The following FSTL5 variants were observed in gnomAD, a reference collection of about 807,000 sequenced individuals.
FSTL5 encodes follistatin-related protein 5.
Under a neutral mutation model 89.1 loss-of-function variants are expected in FSTL5, and 62 were observed. The observed-to-expected ratio is 0.70, with a 90% CI of 0.57 to 0.86. The LOEUF is 0.86. FSTL5 is among the 40% of genes least tolerant of loss of function. FSTL5 has a pLI of 0.00. For missense variants in FSTL5, 1,057 were observed against 1,001.6 expected (o/e 1.06, Z -0.75); for synonymous variants, 383 against 346.2 (o/e 1.11, Z -1.18).
intron 15 of FSTL5, among the ~76,000 whole-genome samples, chr4:161,422,937 G>A (rs1450166196): frequency 6.6e-6 from 1 of 152,172 alleles, no homozygotes; most frequent in Non-Finnish European, 1.5e-5. Flanking sequence ...CCTAGTACCT[G>A]TTAAAGCTGT....
At position 161,532,240 on chromosome 4, in the gene FSTL5, A is replaced by C. The variant is rs893672118; in HGVS notation, c.1312+5926T>G. ...AAATTATTTTTAGAAAACAAATGTG[A>C]GTCAGAGGAAGAGCTACTTTATGTC... On this transcript the variant is annotated intron_variant, in intron 10 of 15. Coordinates refer to ENST00000306100, the MANE Select transcript of FSTL5 (RefSeq NM_020116.5). Among the ~76,000 whole-genome samples the C allele has an allele frequency of 2.6e-5, 4 of 152,154 alleles. No individual in the cohort carries two copies. In the East Asian group the frequency reaches 7.7e-4, roughly 29 times the overall value.
intron 4 of FSTL5, among the ~76,000 whole-genome samples, chr4:161,839,563 A>G (rs1281439947): frequency 6.6e-6 from 1 of 152,240 alleles, no homozygotes; most frequent in Non-Finnish European, 1.5e-5. Context: ...ACATATGTGA[A>G]TCTCACAAAC....
At chr4:161,758,423 A>G (rs1178294821) in intron 6 of FSTL5, among the ~76,000 whole-genome samples, 1 of 152,104 alleles carries the variant, frequency 6.6e-6, no homozygotes, top group East Asian at 1.9e-4. Context: ...ACCAACTAAT[A>G]AATTTACTTT....
chr4:162,121,313 T>C (rs997480240), intron 1 of FSTL5, among the ~76,000 whole-genome samples: 1 of 152,014 alleles, frequency 6.6e-6, no homozygotes, highest in Non-Finnish European at 1.5e-5. Flanking sequence ...AAATCTTATA[T>C]ACTAATATCT....
At position 161,976,580 on chromosome 4, in the gene FSTL5, C is replaced by T. The variant is rs139456865; in HGVS notation, c.161-55928G>A. 7.8e-3 allele frequency among the ~76,000 whole-genome samples: 1,183 copies of T among 152,234 alleles called. 16 individuals are homozygous for T. The highest frequency in any genetic ancestry group is 0.027 in the African/African-American group (1,125 of 41,556). On this transcript the variant is annotated intron_variant, in intron 3 of 15. Transcript: ENST00000306100. ...CACTGCAAGCTCCGCCTTCCGTGTT[C>T]ACGCCATTCTCCCGCCTCAGCCTCT...
chr4:161,610,919 T>A (rs2126635038), intron 7 of FSTL5, among the ~76,000 whole-genome samples: 1 of 151,994 alleles, frequency 6.6e-6, no homozygotes, highest in South Asian at 2.1e-4. Flanking sequence ...CTATTATATC[T>A]AATTTTCACA....
intron 6 of FSTL5, among the ~76,000 whole-genome samples, chr4:161,660,364 G>C (rs1283388033): frequency 2.6e-5 from 4 of 152,128 alleles, no homozygotes; most frequent in Non-Finnish European, 5.9e-5. Flanking sequence ...CACAAGTATA[G>C]TTTAGTACAA....
Position 161,656,493 on chromosome 4 carries a change from T to C in FSTL5, c.729A>G (p.Gln243=), listed in dbSNP as rs1212168031. The change falls in exon 7 of 16, where the codon CAA becomes CAG. Residue 243 remains glutamine (Q), a splice_region_variant and synonymous_variant. Coordinates refer to ENST00000306100, the MANE Select transcript of FSTL5 (RefSeq NM_020116.5). ...LALEEFYRAF[Q]VIQLSLPEDQ... is the part of the protein sequence containing the mutation. ...CTTCTGGCAGACTCAACTGGATCACTTCTGTAAAGATGAAGTGTCAGTAAT... is the reference window on the plus strand; with the variant it reads ...CTTCTGGCAGACTCAACTGGATCACCTCTGTAAAGATGAAGTGTCAGTAAT... 6.4e-7 allele frequency: 1 copy of C among 1,564,608 alleles called. No homozygotes were observed. The highest frequency in any genetic ancestry group is 8.6e-7 in the Non-Finnish European group (1 of 1,158,412).
chr4:162,125,663 A>G (rs1279393427), intron 1 of FSTL5, among the ~76,000 whole-genome samples: 1 of 152,080 alleles, frequency 6.6e-6, no homozygotes, highest in African/African-American at 2.4e-5. Context: ...GAATGAACGC[A>G]TACAGTCTTC....
intron 6 of FSTL5, among the ~76,000 whole-genome samples, chr4:161,700,524 G>T (rs1303365315): frequency 6.6e-6 from 1 of 151,568 alleles, no homozygotes; most frequent in Non-Finnish European, 1.5e-5. Context: ...TTTTGAGACA[G>T]GGTTATGAAA....
rs536794873 is a variant in FSTL5, at chr4:162,114,806, T to G, written c.-16-3394A>C. 7.2e-5 allele frequency among the ~76,000 whole-genome samples: 11 copies of G among 152,292 alleles called. 1 individual carries two copies. In the South Asian group the frequency reaches 2.3e-3, roughly 32 times the overall value. ...CAGTGTGTAAATCTTCAAGGCTGTA[T>G]AGGCAACCTATTTGTGCTATTTTCA... On this transcript the variant is annotated intron_variant, in intron 1 of 15. Coordinates refer to ENST00000306100, the MANE Select transcript of FSTL5 (RefSeq NM_020116.5).
intron 15 of FSTL5, among the ~76,000 whole-genome samples, chr4:161,391,390 T>A (rs1479819208): frequency 6.6e-6 from 1 of 152,114 alleles, no homozygotes; most frequent in African/African-American, 2.4e-5. Flanking sequence ...ACATATAAGA[T>A]GCTATAATCA....
chr4:161,476,413 C>T (rs1214061337), intron 13 of FSTL5, among the ~76,000 whole-genome samples: 1 of 152,034 alleles, frequency 6.6e-6, no homozygotes, highest in Non-Finnish European at 1.5e-5. Context: ...TCTCGAACTC[C>T]TGACCTCAGG....
chr4:161,433,863 A>G (rs2126347660), intron 15 of FSTL5, among the ~76,000 whole-genome samples: 1 of 152,156 alleles, frequency 6.6e-6, no homozygotes, highest in East Asian at 1.9e-4. Context: ...GAAAGATCTC[A>G]ACAATGAAAA....
chr4:161,519,724 A>G (rs894651194), intron 10 of FSTL5, among the ~76,000 whole-genome samples: 1 of 152,168 alleles, frequency 6.6e-6, no homozygotes, highest in Admixed American at 6.6e-5. Context: ...TACATAATAA[A>G]TGATAAACAG....
chr4:161,845,844 G>A (rs549753319), intron 4 of FSTL5, among the ~76,000 whole-genome samples: 4 of 152,002 alleles, frequency 2.6e-5, no homozygotes, highest in Non-Finnish European at 4.4e-5. Context: ...TCAGGAGTTC[G>A]AGACCAGCCT....
intron 6 of FSTL5, among the ~76,000 whole-genome samples, chr4:161,683,508 G>T (rs1737597778): frequency 6.6e-6 from 1 of 151,570 alleles, no homozygotes; most frequent in Non-Finnish European, 1.5e-5. Context: ...AGAAATTACT[G>T]TATATAACTT....
At chr4:161,699,540 C>G (rs1169906711) in intron 6 of FSTL5, among the ~76,000 whole-genome samples, 1 of 152,088 alleles carries the variant, frequency 6.6e-6, no homozygotes, top group African/African-American at 2.4e-5. Flanking sequence ...GTATGAATTG[C>G]AGGCTGTTTT....
At chr4:161,533,393 T>G (rs559629791) in intron 10 of FSTL5, among the ~76,000 whole-genome samples, 1 of 152,142 alleles carries the variant, frequency 6.6e-6, no homozygotes, top group Middle Eastern at 3.4e-3. Context: ...AAGATGACAT[T>G]ACAAATGATC....
Sources: allele counts gnomAD v4.1 joint callset (sites outside exome capture counted in the v4.1 genomes callset), GRCh38; gene constraint gnomAD v4.1.1; transcripts MANE v1.5; gene names NCBI Gene and HGNC (gene_info 2026-07-23, HGNC 2026-07-21).